Variants in PDE7B observed in about 807,000 individuals in gnomAD.
PDE7B encodes 3',5'-cyclic-AMP phosphodiesterase 7B.
Under a neutral mutation model 56.2 loss-of-function variants are expected in PDE7B, and 29 were observed. That is an observed-to-expected ratio of 0.52 (90% CI 0.38 to 0.70). The LOEUF (loss-of-function observed/expected upper bound fraction) is 0.70, where lower values mean the gene tolerates loss of function less well. PDE7B is among the 30% of genes least tolerant of loss of function. PDE7B has a pLI of 0.00. For missense variants in PDE7B, 490 were observed against 565.0 expected, an observed-to-expected ratio of 0.87 and a Z score of 1.35; for synonymous variants, 197 against 196.9, an observed-to-expected ratio of 1.00 and a Z score of 0.00.
At chr6:136,088,203 A>T (rs553023122) in intron 2 of PDE7B, among the ~76,000 whole-genome samples, 1 of 152,176 alleles carries the variant, frequency 6.6e-6, no homozygotes, top group Non-Finnish European at 1.5e-5. Context: ...ATGGAGATTG[A>T]TGTCATCAGA....
intron 2 of PDE7B, among the ~76,000 whole-genome samples, chr6:135,968,104 A>G (rs1775029321): frequency 6.6e-6 from 1 of 152,240 alleles, no homozygotes; most frequent in South Asian, 2.1e-4. Context: ...GGCTAGCCAT[A>G]TGCAGAAAAT....
chr6:135,903,676 C>T (rs1459496281), intron 1 of PDE7B, among the ~76,000 whole-genome samples: 1 of 152,154 alleles, frequency 6.6e-6, no homozygotes, highest in Non-Finnish European at 1.5e-5. Context: ...CAATGAATAG[C>T]ACACACATTA....
intron 2 of PDE7B, among the ~76,000 whole-genome samples, chr6:136,016,788 C>T (rs1775985819): frequency 6.6e-6 from 1 of 152,214 alleles, no homozygotes; most frequent in Admixed American, 6.5e-5. Context: ...CTGTTCTACT[C>T]ATCTGCACAT....
intron 2 of PDE7B, among the ~76,000 whole-genome samples, chr6:136,106,706 A>C (rs1247970370): frequency 6.6e-6 from 1 of 152,200 alleles, no homozygotes; most frequent in Non-Finnish European, 1.5e-5. Context: ...GTCCAATGAG[A>C]AAAAACAAGA....
intron 1 of PDE7B, among the ~76,000 whole-genome samples, chr6:135,870,804 A>T (rs75121245): frequency 0.022 from 3,407 of 152,128 alleles, 78 homozygotes; most frequent in South Asian, 0.065. Flanking sequence ...AAAGCCTTGG[A>T]ACTGGATGAG....
chr6:136,038,232 G>A (rs1017425486), intron 2 of PDE7B: 21 of 1,270,994 alleles, frequency 1.7e-5, no homozygotes, highest in Middle Eastern at 4.3e-4. Context: ...AGCAGCAACA[G>A]CAGCAGCAGC....
At chr6:136,177,714 T>A (rs568345179) in intron 9 of PDE7B, among the ~76,000 whole-genome samples, 2 of 152,314 alleles carry the variant, frequency 1.3e-5, no homozygotes, top group South Asian at 4.1e-4. Context: ...TAATTGGCAT[T>A]ATCTAGTAAA....
At chr6:136,061,157 G>A (rs1776832078) in intron 2 of PDE7B, among the ~76,000 whole-genome samples, 1 of 151,934 alleles carries the variant, frequency 6.6e-6, no homozygotes, top group African/African-American at 2.4e-5. Flanking sequence ...AGTGTCAATG[G>A]CATTGTTTGC....
chr6:136,027,986 A>T (rs1776182286), intron 2 of PDE7B, among the ~76,000 whole-genome samples: 1 of 152,202 alleles, frequency 6.6e-6, no homozygotes, highest in South Asian at 2.1e-4. Context: ...ACAGCACTGT[A>T]GTTCACCATG....
intron 1 of PDE7B, among the ~76,000 whole-genome samples, chr6:135,903,687 G>C (rs1435750621): frequency 6.6e-6 from 1 of 152,136 alleles, no homozygotes; most frequent in Non-Finnish European, 1.5e-5. Context: ...ACACACATTA[G>C]AATTAAAATA....
At chr6:135,867,723 A>T (rs555046412) in intron 1 of PDE7B, among the ~76,000 whole-genome samples, 3 of 152,354 alleles carry the variant, frequency 2.0e-5, no homozygotes, top group Admixed American at 2.0e-4. Flanking sequence ...CTTAATATTT[A>T]AGCCGAAGGA....
chr6:136,131,524 C>T (rs960902869), intron 3 of PDE7B, among the ~76,000 whole-genome samples: 5 of 126,856 alleles, frequency 3.9e-5, no homozygotes, highest in African/African-American at 6.6e-5. Context: ...TTTTTTGAGC[C>T]GCCTGTTTGC....
chr6:136,007,654 A>G (rs1775811452), intron 2 of PDE7B, among the ~76,000 whole-genome samples: 1 of 132,250 alleles, frequency 7.6e-6, no homozygotes, highest in Admixed American at 7.6e-5. Context: ...TTTCTTGGTG[A>G]AAAAAAAAAA....
intron 2 of PDE7B, among the ~76,000 whole-genome samples, chr6:135,982,121 T>G (rs189532055): frequency 2.7e-4 from 41 of 152,308 alleles, no homozygotes; most frequent in Non-Finnish European, 4.6e-4. Context: ...CCCCTCTTTC[T>G]AGGTCCATGT....
intron 3 of PDE7B, among the ~76,000 whole-genome samples, chr6:136,138,913 T>G (rs969165118): frequency 6.6e-6 from 1 of 152,174 alleles, no homozygotes; most frequent in African/African-American, 2.4e-5. Context: ...CAAGGCATCA[T>G]AGAAAATTAA....
chr6:136,048,308 G>A (rs1021480487), intron 2 of PDE7B, among the ~76,000 whole-genome samples: 8 of 152,128 alleles, frequency 5.3e-5, no homozygotes, highest in African/African-American at 1.7e-4. Context: ...TGGATCACCT[G>A]AGGTCAGGAG....
chr6:136,020,962 C>T (rs1401850404), intron 2 of PDE7B, among the ~76,000 whole-genome samples: 1 of 152,310 alleles, frequency 6.6e-6, no homozygotes, highest in South Asian at 2.1e-4. Flanking sequence ...CCCTCTATTA[C>T]TAGTTCCTAC....
intron 1 of PDE7B, among the ~76,000 whole-genome samples, chr6:135,861,781 GTGTT>G (rs1775152683): frequency 6.6e-6 from 1 of 151,524 alleles, no homozygotes; most frequent in Admixed American, 6.6e-5. Flanking sequence ...ATTTATTTAG[GTGTT>G]TGTTAATTTC....
chr6:136,068,664 C>T (rs1776992632), intron 2 of PDE7B, among the ~76,000 whole-genome samples: 1 of 152,038 alleles, frequency 6.6e-6, no homozygotes, highest in Non-Finnish European at 1.5e-5. Flanking sequence ...ATCTCTTGAC[C>T]TTGTGATCCA....
Sources: gnomAD v4.1 joint callset for allele counts (sites outside exome capture counted in the v4.1 genomes callset) on GRCh38, gnomAD v4.1.1 for gene constraint, MANE v1.5 for transcripts, NCBI Gene and HGNC (gene_info 2026-07-23, HGNC 2026-07-21) for gene names.